Variants in HPD observed in about 807,000 individuals in gnomAD.
HPD encodes the protein 4-hydroxyphenylpyruvic acid oxidase.
Under a neutral mutation model 56.9 loss-of-function variants are expected in HPD, and 35 were observed. That is an observed-to-expected ratio of 0.62 (90% confidence interval 0.47 to 0.82). The LOEUF (loss-of-function observed/expected upper bound fraction) is 0.82, where lower values mean the gene tolerates loss of function less well. HPD is among the 40% of genes least tolerant of loss of function. The probability of loss-of-function intolerance (pLI) is 0.00; values close to 1 mark genes in which losing one functional copy is unlikely to be tolerated. For missense variants in HPD, 442 were observed against 506.8 expected, an observed-to-expected ratio of 0.87 and a Z score of 1.23; for synonymous variants, 186 against 200.2, an observed-to-expected ratio of 0.93 and a Z score of 0.60.
chr12:121,857,943 G>T, intron 2 of HPD, 124 bp from the exon 3 acceptor site: 1 of 760,472 alleles, frequency 1.3e-6, no homozygotes, highest in Non-Finnish European at 2.3e-6. Flanking sequence ...AGGAGCAGCG[G>T]AACCCCATGC....
chr12:121,850,889 G>C (rs941025770), intron 7 of HPD, among the ~76,000 whole-genome samples: 7 of 145,914 alleles, frequency 4.8e-5, no homozygotes, highest in African/African-American at 7.6e-5. Flanking sequence ...TTGAGACAGA[G>C]CTCCGCTCTT....
the HPD span, among the ~76,000 whole-genome samples, chr12:121,882,879 C>A: frequency 6.6e-6 from 1 of 152,074 alleles, no homozygotes; most frequent in Admixed American, 6.6e-5. Flanking sequence ...ATTACAGGCA[C>A]CTGCCACCAA....
At position 121,849,644 on chromosome 12, in the gene HPD, C is replaced by G; in HGVS notation, c.518+43G>C. Reference sequence around the variant, plus strand: ...AGGAAGGGGCATTACTTTTCACAGTCCCTCAGGGCTTTCCACCCACCTCTG... The same window carrying G: ...AGGAAGGGGCATTACTTTTCACAGTGCCTCAGGGCTTTCCACCCACCTCTG... On this transcript the variant is annotated intron_variant, in intron 8 of 13. Transcript: ENST00000289004. 3.9e-6 allele frequency: 5 copies of G among 1,277,448 alleles called. No individual in the cohort carries two copies. In the South Asian group the frequency reaches 4.7e-5, roughly 12 times the overall value. 79.1% of individuals were successfully genotyped at this position (1,277,448 alleles called of 1,614,324 possible).
the HPD span, among the ~76,000 whole-genome samples, chr12:121,879,706 A>T: frequency 2.0e-5 from 3 of 150,800 alleles, no homozygotes; most frequent in African/African-American, 4.8e-5. Flanking sequence ...GTATAAACAT[A>T]TATAGATATG....
intron 9 of HPD, among the ~76,000 whole-genome samples, chr12:121,848,791 A>G (rs1877666743): frequency 6.6e-6 from 1 of 151,988 alleles, no homozygotes; most frequent in African/African-American, 2.4e-5. Context: ...TTTTTAGTAG[A>G]GACGGGGTTT....
At chr12:121,850,699 T>G (rs1877741089) in intron 7 of HPD, among the ~76,000 whole-genome samples, 1 of 143,136 alleles carries the variant, frequency 7.0e-6, no homozygotes, top group Non-Finnish European at 1.5e-5. Context: ...AGCCTTTTTT[T>G]TTTTTTTTTT....
rs866290324 is a variant in HPD, at chr12:121,856,380, C to T, written c.268G>A (p.Gly90Ser). The T allele has an allele frequency of 1.9e-6, 3 of 1,614,144 alleles. No individual in the cohort carries two copies. Among genetic ancestry groups the T allele is most frequent in the East Asian group, 2.2e-5 (1 of 44,880 alleles). Residue 90 changes from glycine (G) to serine (S), a missense_variant, in exon 6 of 14, where the codon GGT becomes AGT. Gly to Ser is a moderately conservative substitution (Grantham distance 56, BLOSUM62 0). Coordinates refer to ENST00000289004, the MANE Select transcript of HPD (RefSeq NM_002150.3). Reference sequence around the variant, plus strand: ...AACGCAATGTCCTTCACTCCGTCACCGTGTTTCACCAGGTGATCGCCCATC... The same window carrying T: ...AACGCAATGTCCTTCACTCCGTCACTGTGTTTCACCAGGTGATCGCCCATC... ...KEMGDHLVKH[G>S]DGVKDIAFEV...
the HPD span, among the ~76,000 whole-genome samples, chr12:121,877,522 A>C: frequency 3.9e-5 from 6 of 152,102 alleles, no homozygotes; most frequent in Non-Finnish European, 8.8e-5. Context: ...ACTTGAGGCC[A>C]GGAGTTCGAG....
the HPD span, among the ~76,000 whole-genome samples, chr12:121,876,238 G>T: frequency 6.6e-6 from 1 of 152,184 alleles, no homozygotes; most frequent in Non-Finnish European, 1.5e-5. Context: ...TGGAACCCAG[G>T]AAGTGGAAGC....
chr12:121,883,183 TGTGTGTGTG>T, the HPD span, among the ~76,000 whole-genome samples: 3 of 2,196 alleles, frequency 1.4e-3, no homozygotes, highest in Non-Finnish European at 3.0e-3. Flanking sequence ...GCATAAGTTG[TGTGTGTGTG>T]TGTGTGTGTG....
At chr12:121,873,552 C>G in the HPD span, among the ~76,000 whole-genome samples, 2 of 152,142 alleles carry the variant, frequency 1.3e-5, no homozygotes, top group Admixed American at 1.3e-4. Flanking sequence ...GGCGCGGTGG[C>G]TCACGCCTGT....
intron 2 of HPD, among the ~76,000 whole-genome samples, chr12:121,858,061 T>G (rs1016615146): frequency 6.6e-6 from 1 of 152,090 alleles, no homozygotes; most frequent in African/African-American, 2.4e-5. Context: ...CACAGGGAAA[T>G]AGACTTATGT....
chr12:121,853,951 T>TA (rs1411590920), intron 7 of HPD, among the ~76,000 whole-genome samples: 11 of 110,066 alleles, frequency 1.0e-4, no homozygotes, highest in Admixed American at 1.9e-4. Flanking sequence ...GAAAAAAGAA[T>TA]AAAAAAAAAA....
chr12:121,857,759 G>T lies in HPD; in HGVS notation c.91C>A (p.Gln31Lys). The change falls in exon 3 of 14, where the codon CAG (glutamine) becomes AAG (lysine). Residue 31 changes from glutamine to lysine, a missense_variant and splice_region_variant. Coordinates refer to ENST00000289004, the MANE Select transcript of HPD (RefSeq NM_002150.3). ...CAGCACCTTGCCCCGGCTTCTACCT[G>T]CTTGGCGTTGCCAACCCAGAAGGTC... is the stretch of plus-strand genomic sequence containing the variant. ...SVTFWVGNAK[Q>K]ATSFYCSKMG... 1 of 1,613,576 alleles carries T rather than the reference G, an allele frequency of 6.2e-7. No individual in the cohort carries two copies. Among genetic ancestry groups the T allele is most frequent in the Non-Finnish European group, 8.5e-7 (1 of 1,179,540 alleles).
At chr12:121,870,595 G>GTTTT in the HPD span, among the ~76,000 whole-genome samples, 20 of 123,258 alleles carry the variant, frequency 1.6e-4, 1 homozygote, top group Non-Finnish European at 2.0e-4. Context: ...GCTATTGAAG[G>GTTTT]TTTTTTTTTT....
intron 11 of HPD, among the ~76,000 whole-genome samples, chr12:121,844,593 C>CA (rs1003215636): frequency 4.1e-5 from 6 of 146,480 alleles, no homozygotes; most frequent in South Asian, 2.2e-4. Context: ...ATTAAAAATA[C>CA]AAAAAAAAGG....
intron 12 of HPD, 55 bp from the exon 13 acceptor site, chr12:121,840,103 G>T: frequency 8.2e-7 from 1 of 1,216,604 alleles, no homozygotes; most frequent in Non-Finnish European, 1.2e-6. Context: ...GAGATCCTTG[G>T]AAAGTCCACA....
intron 11 of HPD, 69 bp downstream of exon 11, chr12:121,846,793 C>T (rs1877598716): frequency 2.7e-6 from 4 of 1,494,388 alleles, no homozygotes; most frequent in African/African-American, 1.4e-5. Context: ...CACCCGCCCT[C>T]TCAATTTTGC....
At chr12:121,844,913 T>C (rs1175264132) in intron 11 of HPD, among the ~76,000 whole-genome samples, 1 of 148,302 alleles carries the variant, frequency 6.7e-6, no homozygotes, top group African/African-American at 2.5e-5. Context: ...AAATAAAAAA[T>C]AAAAATAAAA....
Sources: gnomAD v4.1 joint callset for allele counts (sites outside exome capture counted in the v4.1 genomes callset) on GRCh38, gnomAD v4.1.1 for gene constraint, MANE v1.5 for transcripts, NCBI Gene and HGNC (gene_info 2026-07-23, HGNC 2026-07-21) for gene names.